CTNNA3: variants seen among roughly 807,000 people sequenced by gnomAD.
CTNNA3 encodes the protein catenin alpha 3.
In CTNNA3, 76 loss-of-function variants were observed where a neutral mutation model predicts 95.7. The observed-to-expected ratio is 0.79, with a 90% CI of 0.66 to 0.96. The LOEUF (loss-of-function observed/expected upper bound fraction) is 0.96. Ranked by LOEUF, CTNNA3 falls within the 40% of genes least tolerant of loss-of-function variation. The probability of loss-of-function intolerance (pLI) is 0.00; values close to 1 mark genes in which losing one functional copy is unlikely to be tolerated. For synonymous variants in CTNNA3, 431 were observed against 374.4 expected, an observed-to-expected ratio of 1.15 and a Z score of -1.74; for missense variants, 1,191 against 1,089.8, an observed-to-expected ratio of 1.09 and a Z score of -1.31.
chr10:66,233,339 T>C lies in CTNNA3; in HGVS notation c.1884+47131A>G, dbSNP rs372756510. On this transcript the variant is annotated intron_variant, in intron 13 of 17. Transcript: ENST00000433211. Reference sequence around the variant, plus strand: ...AGGGAACATCTAATTGATGTACTAGTTTTATTAAAATAAAAATTATTTTTC... The same window carrying C: ...AGGGAACATCTAATTGATGTACTAGCTTTATTAAAATAAAAATTATTTTTC... 9.9e-5 allele frequency among the ~76,000 whole-genome samples: 15 copies of C among 152,094 alleles called. No homozygotes were observed. In the South Asian group the frequency reaches 1.7e-3, roughly 17 times the overall value.
rs12241765 is a variant in CTNNA3 at position 66,691,622 on chromosome 10, C to G, written c.1282-69838G>C. The stretch of plus-strand genomic sequence containing the variant: ...GAAGAGAGCAGTGGTTATCCCAGCA[C>G]GCAGCTGGAGATCTGAGAATGGGCA... On this transcript the variant is annotated intron_variant, in intron 9 of 17. Coordinates refer to ENST00000433211, the MANE Select transcript of CTNNA3 (RefSeq NM_013266.4). Among the ~76,000 whole-genome samples the G allele has an allele frequency of 2.9e-3, 444 of 152,074 alleles. 4 individuals are homozygous for G. The highest frequency in any genetic ancestry group is 9.9e-3 in the African/African-American group (409 of 41,452).
In CTNNA3 at chr10:66,276,397, T is replaced by G. The variant is rs192723101; in HGVS notation, c.1884+4073A>C. Reference sequence around the variant, plus strand: ...ACTGCGGGCCACTTATACTACCCTCTCTCTCAATTCAATTATGTACTCTTT... The same window carrying G: ...ACTGCGGGCCACTTATACTACCCTCGCTCTCAATTCAATTATGTACTCTTT... On this transcript the variant is annotated intron_variant, in intron 13 of 17. Transcript: ENST00000433211. Among the ~76,000 whole-genome samples the G allele has an allele frequency of 2.3e-4, 35 of 152,232 alleles. No homozygotes were observed. In the East Asian group the frequency reaches 5.4e-3, roughly 24 times the overall value.
intron 10 of CTNNA3, among the ~76,000 whole-genome samples, chr10:66,569,926 T>C (rs140075616): frequency 2.0e-5 from 3 of 152,274 alleles, no homozygotes; most frequent in African/African-American, 7.2e-5. Flanking sequence ...ATTTGTTAAA[T>C]GTTTTCTTTC....
At chr10:67,719,186 TTC>T (rs1414000583) in intron 1 of CTNNA3, among the ~76,000 whole-genome samples, 1 of 152,158 alleles carries the variant, frequency 6.6e-6, no homozygotes, top group African/African-American at 2.4e-5. Context: ...TATTTCATTC[TTC>T]TCTCTGTTCT....
chr10:66,902,752 C>G (rs1376346425), intron 7 of CTNNA3, among the ~76,000 whole-genome samples: 1 of 152,180 alleles, frequency 6.6e-6, no homozygotes, highest in East Asian at 1.9e-4. Flanking sequence ...TATAACACCT[C>G]TATGCAAATA....
At chr10:67,666,194 G>C (rs1442213013) in intron 1 of CTNNA3, among the ~76,000 whole-genome samples, 1 of 152,104 alleles carries the variant, frequency 6.6e-6, no homozygotes, top group Non-Finnish European at 1.5e-5. Context: ...AGTGTCCAGT[G>C]GTGGGGTGAG....
At chr10:66,581,107 A>G (rs1843171429) in intron 10 of CTNNA3, among the ~76,000 whole-genome samples, 1 of 151,788 alleles carries the variant, frequency 6.6e-6, no homozygotes, top group South Asian at 2.1e-4. Context: ...GTAGTATTCC[A>G]TGATAACATA....
intron 11 of CTNNA3, among the ~76,000 whole-genome samples, chr10:66,429,535 A>C (rs1433956152): frequency 6.6e-6 from 1 of 152,208 alleles, no homozygotes; most frequent in Non-Finnish European, 1.5e-5. Flanking sequence ...CCAGCAGCAC[A>C]TCAAAAAGCT....
intron 7 of CTNNA3, among the ~76,000 whole-genome samples, chr10:66,825,307 G>A (rs534864712): frequency 6.0e-4 from 89 of 147,360 alleles, no homozygotes; most frequent in Non-Finnish European, 1.2e-3. Flanking sequence ...ATGGAGTCGT[G>A]CTCTGTCGCC....
chr10:66,465,419 C>T (rs1158223530), intron 11 of CTNNA3, among the ~76,000 whole-genome samples: 4 of 152,098 alleles, frequency 2.6e-5, no homozygotes, highest in African/African-American at 4.8e-5. Flanking sequence ...TCAGAAATTA[C>T]CCAGCACTTT....
chr10:67,660,227 C>T (rs1032389113), intron 1 of CTNNA3, among the ~76,000 whole-genome samples: 1 of 152,120 alleles, frequency 6.6e-6, no homozygotes, highest in Non-Finnish European at 1.5e-5. Flanking sequence ...TAGCTAAATA[C>T]CTATTAACCC....
chr10:67,127,650 T>C (rs185010473), intron 7 of CTNNA3, among the ~76,000 whole-genome samples: 10 of 152,236 alleles, frequency 6.6e-5, no homozygotes, highest in Admixed American at 4.6e-4. Flanking sequence ...AAAAATAACA[T>C]TGTGTGGGAA....
chr10:66,948,380 T>C (rs1190868929), intron 7 of CTNNA3, among the ~76,000 whole-genome samples: 2 of 152,156 alleles, frequency 1.3e-5, no homozygotes, highest in Non-Finnish European at 2.9e-5. Flanking sequence ...CTAGGAAATA[T>C]CTAGATCAAG....
chr10:66,103,281 G>C, intron 13 of CTNNA3, 32 bp from the exon 14 acceptor site: 5 of 1,514,596 alleles, frequency 3.3e-6, no homozygotes, highest in Non-Finnish European at 4.6e-6. Flanking sequence ...TTGCTAGTGG[G>C]AATGTAAAAG....
intron 7 of CTNNA3, among the ~76,000 whole-genome samples, chr10:66,930,143 A>G (rs965014910): frequency 2.6e-5 from 4 of 152,214 alleles, no homozygotes; most frequent in African/African-American, 9.6e-5. Context: ...AGGATGCCAG[A>G]TCATTAAAAT....
rs1237757465 is a variant in CTNNA3 at position 66,326,182 on chromosome 10, A to T, written c.1733-45561T>A. Among the ~76,000 whole-genome samples the T allele has an allele frequency of 2.0e-5, 3 of 152,246 alleles. No homozygotes were observed. In the East Asian group the frequency reaches 5.8e-4, roughly 29 times the overall value. ...CAAGATACTTTACCACACAACTTAG[A>T]AGATCCTTTTGACATTTAGAGCAGA... On this transcript the variant is annotated intron_variant, in intron 12 of 17. Transcript: ENST00000433211.
chr10:66,222,461 CAT>C (rs2088983985), intron 13 of CTNNA3, among the ~76,000 whole-genome samples: 1 of 151,546 alleles, frequency 6.6e-6, no homozygotes, highest in African/African-American at 2.4e-5. Context: ...CTTTTTCACT[CAT>C]GTGTTTATGC....
intron 10 of CTNNA3, among the ~76,000 whole-genome samples, chr10:66,553,484 A>C (rs1490669245): frequency 1.1e-5 from 1 of 90,258 alleles, no homozygotes; most frequent in Non-Finnish European, 2.2e-5. Context: ...AACATGAATT[A>C]TTCACCAAGA....
chr10:66,410,355 A>G (rs975375917), intron 11 of CTNNA3, among the ~76,000 whole-genome samples: 1 of 152,126 alleles, frequency 6.6e-6, no homozygotes, highest in Non-Finnish European at 1.5e-5. Flanking sequence ...TAGTTCCATC[A>G]TACTTTAGTA....
Sources: gnomAD v4.1 joint callset for allele counts (sites outside exome capture counted in the v4.1 genomes callset) on GRCh38, gnomAD v4.1.1 for gene constraint, MANE v1.5 for transcripts, NCBI Gene and HGNC (gene_info 2026-07-23, HGNC 2026-07-21) for gene names.